KRTAP25-1: variants seen among roughly 807,000 people sequenced by gnomAD.
KRTAP25-1 encodes the protein keratin associated protein 25-1.
For missense variants in KRTAP25-1, 136 were observed against 120.1 expected (o/e 1.13, Z -0.62); for synonymous variants, 47 against 41.3 (o/e 1.14, Z -0.52).
Position 30,289,331 on chromosome 21 carries a change from GATTACC to G in KRTAP25-1, c.154_159del (p.Gly52_Asn53del), listed in dbSNP as rs774100936. On this transcript the variant is annotated inframe_deletion, in exon 1 of 1. Coordinates refer to ENST00000416044, the MANE Select transcript of KRTAP25-1 (RefSeq NM_001128598.1). ...CTGTTGGATATAGAACCTATAGTTT[GATTACC>G]ATAGGAGAAATAGCTCAAGGGATAG... 1 of 1,551,574 alleles carries G rather than the reference GATTACC, an allele frequency of 6.4e-7. No individual in the cohort carries two copies. The highest frequency in any genetic ancestry group is 1.2e-5 in the South Asian group (1 of 84,050).
rs1178655985 is a variant in KRTAP25-1 at position 30,289,478 on chromosome 21, A to G, written c.13T>C (p.Ser5Pro). Residue 5 changes from serine to proline, a missense_variant, in exon 1 of 1, where the codon TCT becomes CCT. Ser to Pro is a moderately conservative substitution (Grantham distance 74). Transcript: ENST00000416044. ...CAACTACTGAAAAAAAAGCCTTGAG[A>G]TCTGTTATGCATTGAGGATTGGCAG... MHNRSQGFFFSSCHP... is the reference protein window; with the variant it reads MHNRPQGFFFSSCHP... 3.2e-6 allele frequency: 5 copies of G among 1,548,986 alleles called. No individual in the cohort carries two copies. The East Asian group carries it at 7.3e-5, about 23-fold the overall frequency.
In KRTAP25-1 at chr21:30,289,175, A is replaced by G; in HGVS notation, c.*7T>C. On this transcript the variant is annotated 3_prime_UTR_variant, in exon 1 of 1. Transcript: ENST00000416044. ...ACGCTGTCAGGGCAAGACACTGAAAAGACAATTCAGCATGTTCTTCTAAGA... is the reference window on the plus strand; with the variant it reads ...ACGCTGTCAGGGCAAGACACTGAAAGGACAATTCAGCATGTTCTTCTAAGA... 1.9e-6 allele frequency: 3 copies of G among 1,539,412 alleles called. No individual in the cohort carries two copies. Among genetic ancestry groups the G allele is most frequent in the Non-Finnish European group, 2.6e-6 (3 of 1,139,770 alleles).
Position 30,289,367 on chromosome 21 carries a change from T to A in KRTAP25-1, c.124A>T (p.Thr42Ser). ...RCQSLNFVSR[T>S]CYPLSYFSYG... ...GAGAAATAGCTCAAGGGATAGCAGG[T>A]CCTGGACACAAAATTCAGTGATTGA... The change falls in exon 1 of 1, where the codon ACC becomes TCC. Residue 42 changes from threonine (T) to serine (S), a missense_variant. Thr to Ser is a moderately conservative substitution (Grantham distance 58). Transcript: ENST00000416044. The A allele has an allele frequency of 1.3e-6, 2 of 1,551,672 alleles. No individual in the cohort carries two copies. The highest frequency in any genetic ancestry group is 1.7e-6 in the Non-Finnish European group (2 of 1,146,894).
rs1246200201 is a variant in KRTAP25-1, at chr21:30,289,151, C to G, written c.*31G>C. On this transcript the variant is annotated 3_prime_UTR_variant, in exon 1 of 1. Transcript: ENST00000416044. Reference sequence around the variant, plus strand: ...ACCTAAAGATAAAATTTCTGTAAAACGCTGTCAGGGCAAGACACTGAAAAG... The same window carrying G: ...ACCTAAAGATAAAATTTCTGTAAAAGGCTGTCAGGGCAAGACACTGAAAAG... 4 of 1,494,092 alleles carry G rather than the reference C, an allele frequency of 2.7e-6. No homozygotes were observed. Among genetic ancestry groups the G allele is most frequent in the African/African-American group, 1.4e-5 (1 of 70,556 alleles). The allele number at this position is 1,494,092 out of a possible 1,614,324, so 92.6% of individuals were successfully genotyped here. A position where few individuals can be genotyped will look rare whatever the true frequency, so the allele number is the denominator to read the frequency against.
Position 30,289,239 on chromosome 21 carries a change from T to C in KRTAP25-1, c.252A>G (p.Gln84=), listed in dbSNP as rs1319941220. Residue 84 remains glutamine (Q), a synonymous_variant, in exon 1 of 1, where the codon CAA becomes CAG. Coordinates refer to ENST00000416044, the MANE Select transcript of KRTAP25-1 (RefSeq NM_001128598.1). The part of the protein sequence containing the change: ...QPISFMHSSF[Q]PACSDFVGWQ... ...AACCCACAAAATCAGAACAAGCTGG[T>C]TGGAAACTGCTGTGCATGAAGGAAA... 3 of 1,551,246 alleles carry C rather than the reference T, an allele frequency of 1.9e-6. No individual in the cohort carries two copies. The highest frequency in any genetic ancestry group is 2.6e-6 in the Non-Finnish European group (3 of 1,146,726).
chr21:30,289,147 A>T lies in KRTAP25-1; in HGVS notation c.*35T>A, dbSNP rs2123279422. ...TTCAACCTAAAGATAAAATTTCTGT[A>T]AAACGCTGTCAGGGCAAGACACTGA... On this transcript the variant is annotated 3_prime_UTR_variant, in exon 1 of 1. Coordinates refer to ENST00000416044, the MANE Select transcript of KRTAP25-1 (RefSeq NM_001128598.1). 1 of 1,487,532 alleles carries T rather than the reference A, an allele frequency of 6.7e-7. No homozygotes were observed. The highest frequency in any genetic ancestry group is 2.5e-5 in the East Asian group (1 of 40,368). The allele number at this position is 1,487,532 out of a possible 1,614,324, so 92.1% of individuals were successfully genotyped here. A position where few individuals can be genotyped will look rare whatever the true frequency, so the allele number is the denominator to read the frequency against.
In KRTAP25-1 at chr21:30,289,301, T is replaced by C. The variant is rs756783601; in HGVS notation, c.190A>G (p.Arg64Gly). Reference sequence around the variant, plus strand: ...CTATGAGACACATAATTCAGGGATCTGAAGCTGTTGGATATAGAACCTATA... The same window carrying C: ...CTATGAGACACATAATTCAGGGATCCGAAGCTGTTGGATATAGAACCTATA... Reference protein sequence around the residue: ...QTIGSISNSFRSLNYVSHSFQ... With the variant: ...QTIGSISNSFGSLNYVSHSFQ... The change falls in exon 1 of 1, where the codon AGA (arginine) becomes GGA (glycine). Residue 64 changes from arginine to glycine, a missense_variant. Arg to Gly is a moderately radical substitution (Grantham distance 125). Transcript: ENST00000416044. 6.4e-7 allele frequency: 1 copy of C among 1,551,700 alleles called. No homozygotes were observed. Among genetic ancestry groups the C allele is most frequent in the Non-Finnish European group, 8.7e-7 (1 of 1,146,844 alleles).
Position 30,289,459 on chromosome 21 carries a change from C to A in KRTAP25-1, c.32G>T (p.Ser11Ile). 6.5e-7 allele frequency: 1 copy of A among 1,545,694 alleles called. No individual in the cohort carries two copies. The change falls in exon 1 of 1, where the codon AGT (serine) becomes ATT (isoleucine). Residue 11 changes from serine to isoleucine, a missense_variant. Physicochemically the swap from Ser to Ile is moderately radical, Grantham distance 142. Transcript: ENST00000416044. ...GACATGGTTTTGGGGGTGGCAACTA[C>A]TGAAAAAAAAGCCTTGAGATCTGTT... MHNRSQGFFF[S>I]SCHPQNHVSY...
Position 30,289,396 on chromosome 21 carries a change from C to A in KRTAP25-1, c.95G>T (p.Arg32Leu), listed in dbSNP as rs748034464. 1.3e-6 allele frequency: 2 copies of A among 1,550,996 alleles called. No homozygotes were observed. Among genetic ancestry groups the A allele is most frequent in the East Asian group, 2.4e-5 (1 of 40,908 alleles). The change falls in exon 1 of 1, where the codon CGC becomes CTC. Residue 32 changes from arginine to leucine, a missense_variant. Arg to Leu is a moderately radical substitution (Grantham distance 102, BLOSUM62 -2). Coordinates refer to ENST00000416044, the MANE Select transcript of KRTAP25-1 (RefSeq NM_001128598.1). ...GGACACAAAATTCAGTGATTGACAGCGACAAAAAATAAAGCTCGGTGATTG... is the reference window on the plus strand; with the variant it reads ...GGACACAAAATTCAGTGATTGACAGAGACAAAAAATAAAGCTCGGTGATTG... ...GCQSPSFIFC[R>L]CQSLNFVSRT...
rs1980933051 is a variant in KRTAP25-1 at position 30,289,331 on chromosome 21, G to T, written c.160C>A (p.Gln54Lys). Residue 54 changes from glutamine to lysine, a missense_variant, in exon 1 of 1, where the codon CAA becomes AAA. Transcript: ENST00000416044. ...CTGTTGGATATAGAACCTATAGTTT[G>T]ATTACCATAGGAGAAATAGCTCAAG... Reference protein sequence around the residue: ...YPLSYFSYGNQTIGSISNSFR... With the variant: ...YPLSYFSYGNKTIGSISNSFR... The T allele has an allele frequency of 1.3e-6, 2 of 1,551,574 alleles. No individual in the cohort carries two copies. Among genetic ancestry groups the T allele is most frequent in the East Asian group, 4.9e-5 (2 of 40,896 alleles).
Position 30,289,414 on chromosome 21 carries a change from G to T in KRTAP25-1, c.77C>A (p.Pro26Gln), listed in dbSNP as rs762556914. ...QNHVSYGCQS[P>Q]SFIFCRCQSL... ...TTGACAGCGACAAAAAATAAAGCTCGGTGATTGACAGCCATAAGAGACATG... is the reference window on the plus strand; with the variant it reads ...TTGACAGCGACAAAAAATAAAGCTCTGTGATTGACAGCCATAAGAGACATG... The change falls in exon 1 of 1, where the codon CCG becomes CAG. Residue 26 changes from proline to glutamine, a missense_variant. By Grantham distance (76) the Pro-to-Gln change is moderately conservative. Coordinates refer to ENST00000416044, the MANE Select transcript of KRTAP25-1 (RefSeq NM_001128598.1). The T allele has an allele frequency of 2.7e-5, 42 of 1,551,326 alleles. No individual in the cohort carries two copies. In the South Asian group the frequency reaches 4.9e-4, roughly 18 times the overall value.
rs1474624552 is a variant in KRTAP25-1 at position 30,289,196 on chromosome 21, T to C, written c.295A>G (p.Arg99Gly). 1.9e-6 allele frequency: 3 copies of C among 1,546,736 alleles called. No individual in the cohort carries two copies. The highest frequency in any genetic ancestry group is 3.9e-5 in the Admixed American group (2 of 50,666). Residue 99 changes from arginine to glycine, a missense_variant, in exon 1 of 1, where the codon AGA becomes GGA. Coordinates refer to ENST00000416044, the MANE Select transcript of KRTAP25-1 (RefSeq NM_001128598.1). Reference sequence around the variant, plus strand: ...GAAAAGACAATTCAGCATGTTCTTCTAAGAAATGGAGATTGCCAACCCACA... The same window carrying C: ...GAAAAGACAATTCAGCATGTTCTTCCAAGAAATGGAGATTGCCAACCCACA... ...DFVGWQSPFL[R>G]RTC
Position 30,289,435 on chromosome 21 carries a change from A to G in KRTAP25-1, c.56T>C (p.Val19Ala), listed in dbSNP as rs1568808429. ...FFSSCHPQNH[V>A]SYGCQSPSFI... ...GCTCGGTGATTGACAGCCATAAGAGACATGGTTTTGGGGGTGGCAACTACT... is the reference window on the plus strand; with the variant it reads ...GCTCGGTGATTGACAGCCATAAGAGGCATGGTTTTGGGGGTGGCAACTACT... Residue 19 changes from valine (V) to alanine (A), a missense_variant, in exon 1 of 1, where the codon GTC (valine) becomes GCC (alanine). Coordinates refer to ENST00000416044, the MANE Select transcript of KRTAP25-1 (RefSeq NM_001128598.1). 6.4e-7 allele frequency: 1 copy of G among 1,551,448 alleles called. No homozygotes were observed. Among genetic ancestry groups the G allele is most frequent in the Non-Finnish European group, 8.7e-7 (1 of 1,146,828 alleles).
At position 30,289,413 on chromosome 21, in the gene KRTAP25-1, C is replaced by T. The variant is rs749817522; in HGVS notation, c.78G>A (p.Pro26=). ...QNHVSYGCQS[P]SFIFCRCQSL... ...ATTGACAGCGACAAAAAATAAAGCT[C>T]GGTGATTGACAGCCATAAGAGACAT... Residue 26 remains proline (P), a synonymous_variant, in exon 1 of 1, where the codon CCG becomes CCA. Coordinates refer to ENST00000416044, the MANE Select transcript of KRTAP25-1 (RefSeq NM_001128598.1). 1.8e-4 allele frequency: 280 copies of T among 1,551,242 alleles called. 1 individual carries two copies. Among genetic ancestry groups the T allele is most frequent in the Middle Eastern group, 1.2e-3 (7 of 5,992 alleles).
chr21:30,289,201 A>G lies in KRTAP25-1; in HGVS notation c.290T>C (p.Phe97Ser), dbSNP rs762639203. The change falls in exon 1 of 1, where the codon TTT (phenylalanine) becomes TCT (serine). Residue 97 changes from phenylalanine (F) to serine (S), a missense_variant. Physicochemically the swap from Phe to Ser is radical, Grantham distance 155 (BLOSUM62 -2). Coordinates refer to ENST00000416044, the MANE Select transcript of KRTAP25-1 (RefSeq NM_001128598.1). ...GACAATTCAGCATGTTCTTCTAAGA[A>G]ATGGAGATTGCCAACCCACAAAATC... is the stretch of plus-strand genomic sequence containing the variant. Reference protein sequence around the residue: ...CSDFVGWQSPFLRRTC With the variant: ...CSDFVGWQSPSLRRTC The G allele has an allele frequency of 6.5e-7, 1 of 1,548,508 alleles. No individual in the cohort carries two copies. The highest frequency in any genetic ancestry group is 1.2e-5 in the South Asian group (1 of 83,762).
Position 30,289,152 on chromosome 21 carries a change from G to A in KRTAP25-1, c.*30C>T, listed in dbSNP as rs768434489. 14 of 1,493,852 alleles carry A rather than the reference G, an allele frequency of 9.4e-6. No individual in the cohort carries two copies. The highest frequency in any genetic ancestry group is 4.3e-5 in the African/African-American group (3 of 70,534). 92.5% of individuals were successfully genotyped at this position (1,493,852 alleles called of 1,614,324 possible). Reference sequence around the variant, plus strand: ...CCTAAAGATAAAATTTCTGTAAAACGCTGTCAGGGCAAGACACTGAAAAGA... The same window carrying A: ...CCTAAAGATAAAATTTCTGTAAAACACTGTCAGGGCAAGACACTGAAAAGA... On this transcript the variant is annotated 3_prime_UTR_variant, in exon 1 of 1. Coordinates refer to ENST00000416044, the MANE Select transcript of KRTAP25-1 (RefSeq NM_001128598.1).
Position 30,289,317 on chromosome 21 carries a change from A to G in KRTAP25-1, c.174T>C (p.Ser58=), listed in dbSNP as rs940953195. The G allele has an allele frequency of 3.0e-5, 47 of 1,551,644 alleles. 1 individual carries two copies. In the Admixed American group the frequency reaches 7.8e-4, roughly 26 times the overall value. ...YFSYGNQTIG[S]ISNSFRSLNY... is the part of the protein sequence containing the mutation. ...TCAGGGATCTGAAGCTGTTGGATAT[A>G]GAACCTATAGTTTGATTACCATAGG... is the stretch of plus-strand genomic sequence containing the variant. Residue 58 remains serine, a synonymous_variant, in exon 1 of 1, where the codon TCT becomes TCC. Transcript: ENST00000416044.
In KRTAP25-1 at chr21:30,289,510, G is replaced by C; in HGVS notation, c.-20C>G. ...ATGCATTGAGGATTGGCAGGAACTT[G>C]AGAAATAAGGATTGATATAAAAACA... On this transcript the variant is annotated 5_prime_UTR_variant, in exon 1 of 1. Coordinates refer to ENST00000416044, the MANE Select transcript of KRTAP25-1 (RefSeq NM_001128598.1). 9.2e-6 allele frequency: 14 copies of C among 1,516,162 alleles called. No homozygotes were observed. Among genetic ancestry groups the C allele is most frequent in the Non-Finnish European group, 1.2e-5 (14 of 1,132,374 alleles). 93.9% of individuals were successfully genotyped at this position (1,516,162 alleles called of 1,614,324 possible).
rs780360390 is a variant in KRTAP25-1 at position 30,289,395 on chromosome 21, G to A, written c.96C>T (p.Arg32=). 15 of 1,551,530 alleles carry A rather than the reference G, an allele frequency of 9.7e-6. No individual in the cohort carries two copies. Among genetic ancestry groups the A allele is most frequent in the Non-Finnish European group, 1.3e-5 (15 of 1,146,792 alleles). ...TGGACACAAAATTCAGTGATTGACA[G>A]CGACAAAAAATAAAGCTCGGTGATT... is the stretch of plus-strand genomic sequence containing the variant. ...GCQSPSFIFC[R]CQSLNFVSRT... Residue 32 remains arginine (R), a synonymous_variant, in exon 1 of 1, where the codon CGC becomes CGT. Coordinates refer to ENST00000416044, the MANE Select transcript of KRTAP25-1 (RefSeq NM_001128598.1).
Sources: gnomAD v4.1 joint callset for allele counts on GRCh38, gnomAD v4.1.1 for gene constraint, MANE v1.5 for transcripts, NCBI Gene and HGNC (gene_info 2026-07-23, HGNC 2026-07-21) for gene names.